Variants in KCNC1 observed in about 807,000 individuals in gnomAD.
KCNC1 encodes the protein potassium voltage-gated channel subfamily C member 1, also known as voltage-gated potassium channel KCNC1.
A neutral mutation model predicts 43.4 loss-of-function variants in KCNC1; 8 were observed. The ratio of observed to expected loss-of-function variants is 0.18; its 90% confidence interval spans 0.11 to 0.33. KCNC1 has a LOEUF of 0.33. KCNC1 is among the 10% of genes least tolerant of loss of function. KCNC1 has a pLI of 1.00. For missense variants in KCNC1, 420 were observed against 836.0 expected (o/e 0.50, Z 6.14); for synonymous variants, 361 against 360.5 (o/e 1.00, Z -0.01).
intron 2 of KCNC1, chr11:17,775,571 C>T (rs1849276055): frequency 1.0e-6 from 1 of 985,582 alleles, no homozygotes; most frequent in South Asian, 4.7e-5. Context: ...AGCTACTTCT[C>T]TCCCAGAAAG....
Position 17,773,376 on chromosome 11 carries a change from G to A in KCNC1, c.1504+778G>A. 5 of 985,450 alleles carry A rather than the reference G, an allele frequency of 5.1e-6. No homozygotes were observed. The highest frequency in any genetic ancestry group is 6.0e-6 in the Non-Finnish European group (5 of 829,962). The allele number at this position is 985,450 out of a possible 1,614,324, so 61.0% of individuals were successfully genotyped here. ...GAGTGGGAGTTTCCGGTGACCCGATGGAAGCGGCTGCCGAGCAAAAGACTA... is the reference window on the plus strand; with the variant it reads ...GAGTGGGAGTTTCCGGTGACCCGATAGAAGCGGCTGCCGAGCAAAAGACTA... On this transcript the variant is annotated intron_variant, in intron 2 of 3. Coordinates refer to ENST00000265969, the MANE Select transcript of KCNC1 (RefSeq NM_001112741.2). The surrounding 1 kb of genome is among the most constrained non-coding windows in gnomAD (Gnocchi z 4.1).
At chr11:17,758,279 C>T (rs781071505) in intron 1 of KCNC1, among the ~76,000 whole-genome samples, 1 of 152,248 alleles carries the variant, frequency 6.6e-6, no homozygotes, top group Non-Finnish European at 1.5e-5. Context: ...CATCTTCAGG[C>T]TCTACTTCTA....
chr11:17,776,146 G>C lies in KCNC1; in HGVS notation c.1505-3310G>C. 1 of 985,450 alleles carries C rather than the reference G, an allele frequency of 1.0e-6. No homozygotes were observed. Among genetic ancestry groups the C allele is most frequent in the South Asian group, 4.7e-5 (1 of 21,284 alleles). The allele number at this position is 985,450 out of a possible 1,614,324, so 61.0% of individuals were successfully genotyped here. A position where few individuals can be genotyped will look rare whatever the true frequency, so the allele number is the denominator to read the frequency against. On this transcript the variant is annotated intron_variant, in intron 2 of 3. Transcript: ENST00000265969. The surrounding 1 kb of genome is among the most constrained non-coding windows in gnomAD (Gnocchi z 4.4). ...TAGCGGAGAAATGAAGTGACGCCAG[G>C]GGCCAGGCATGGGTGTTCTTTTCCG...
rs1250443135 is a variant in KCNC1 at position 17,772,907 on chromosome 11, G to A, written c.1504+309G>A. On this transcript the variant is annotated intron_variant, in intron 2 of 3. Coordinates refer to ENST00000265969, the MANE Select transcript of KCNC1 (RefSeq NM_001112741.2). ...GACTAACTTAGCAGGAGCCAGGGGG[G>A]CTCTGCTTGGTGGGGCAGGAGTCCG... is the stretch of plus-strand genomic sequence containing the variant. 9 of 1,238,546 alleles carry A rather than the reference G, an allele frequency of 7.3e-6. No individual in the cohort carries two copies. In the East Asian group the frequency reaches 1.1e-4, roughly 15 times the overall value. The allele number at this position is 1,238,546 out of a possible 1,614,324, so 76.7% of individuals were successfully genotyped here.
At chr11:17,768,466 C>G (rs1849180018) in intron 1 of KCNC1, among the ~76,000 whole-genome samples, 1 of 152,158 alleles carries the variant, frequency 6.6e-6, no homozygotes, top group Non-Finnish European at 1.5e-5. Flanking sequence ...TGGACTTTCT[C>G]TGTGGGCTGC....
intron 2 of KCNC1, chr11:17,775,280 A>G (rs1307636525): frequency 1.0e-6 from 1 of 979,878 alleles, no homozygotes; most frequent in African/African-American, 1.8e-5. Context: ...TTCTGAGGGC[A>G]TCCCTCCCGC....
At chr11:17,754,649 A>T (rs930455636) in intron 1 of KCNC1, among the ~76,000 whole-genome samples, 1 of 151,522 alleles carries the variant, frequency 6.6e-6, no homozygotes, top group African/African-American at 2.4e-5. Flanking sequence ...TGGAGGAAGG[A>T]GCCTCCTTTC....
chr11:17,781,379 G>A lies in KCNC1; in HGVS notation c.1694-291G>A. 1 of 382,250 alleles carries A rather than the reference G, an allele frequency of 2.6e-6. No individual in the cohort carries two copies. The highest frequency in any genetic ancestry group is 4.7e-6 in the Non-Finnish European group (1 of 212,180). 23.7% of individuals were successfully genotyped at this position (382,250 alleles called of 1,614,324 possible). A position where few individuals can be genotyped will look rare whatever the true frequency, so the allele number is the denominator to read the frequency against. ...CCCGCGCTCTCATGGAGCCACGACA[G>A]CCGCCGAGGACTTGTTTTTCTCAGG... On this transcript the variant is annotated intron_variant, in intron 3 of 3. Coordinates refer to ENST00000265969, the MANE Select transcript of KCNC1 (RefSeq NM_001112741.2). The surrounding 1 kb of genome is among the most constrained non-coding windows in gnomAD (Gnocchi z 5.1).
In KCNC1 at chr11:17,734,789, G is replaced by T; in HGVS notation, c.-1214G>T. ...GCGGCGGGCTGGACGCGGACCGCGC[G>T]AACGAGCAGGCGACGGGCGAGCAGC... is the stretch of plus-strand genomic sequence containing the variant. On this transcript the variant is annotated 5_prime_UTR_variant, in exon 1 of 4. Transcript: ENST00000265969. 6.6e-6 allele frequency: 1 copy of T among 151,906 alleles called. No individual in the cohort carries two copies. The highest frequency in any genetic ancestry group is 1.9e-4 in the South Asian group (1 of 5,138). 9.4% of individuals were successfully genotyped at this position (151,906 alleles called of 1,614,324 possible).
rs1181885026 is a variant in KCNC1, at chr11:17,771,051, C to T, written c.571-614C>T. On this transcript the variant is annotated intron_variant, in intron 1 of 3. Coordinates refer to ENST00000265969, the MANE Select transcript of KCNC1 (RefSeq NM_001112741.2). The surrounding 1 kb of genome is among the most constrained non-coding windows in gnomAD (Gnocchi z 4.7). ...TACATTTTAAAAAGCTGTCTATGAC[C>T]ATGGGGAAGACATACATTTTTTTCA... Among the ~76,000 whole-genome samples, 1 of 152,138 alleles carries T rather than the reference C, an allele frequency of 6.6e-6. No individual in the cohort carries two copies. The highest frequency in any genetic ancestry group is 1.5e-5 in the Non-Finnish European group (1 of 68,044).
At chr11:17,758,007 C>G (rs1459655301) in intron 1 of KCNC1, among the ~76,000 whole-genome samples, 1 of 152,226 alleles carries the variant, frequency 6.6e-6, no homozygotes, top group African/African-American at 2.4e-5. Flanking sequence ...AAAGATTTCT[C>G]TGTAGCATGT....
At position 17,739,063 on chromosome 11, in the gene KCNC1, C is replaced by T. The variant is rs932584187; in HGVS notation, c.570+2491C>T. 6.6e-5 allele frequency among the ~76,000 whole-genome samples: 10 copies of T among 152,328 alleles called. No homozygotes were observed. The highest frequency in any genetic ancestry group is 3.4e-3 in the Middle Eastern group (1 of 294). On this transcript the variant is annotated intron_variant, in intron 1 of 3. Transcript: ENST00000265969. This position sits in a 1 kb window ranked among gnomAD's most constrained non-coding sequence, Gnocchi z 4.2. ...CTGGCCTAGCTGCACTGCGCTGCCT[C>T]TCTGCGGCTCATCTGCGCACAGACC...
At chr11:17,763,723 C>CAG (rs1590102634) in intron 1 of KCNC1, among the ~76,000 whole-genome samples, 3 of 134,446 alleles carry the variant, frequency 2.2e-5, no homozygotes, top group Non-Finnish European at 3.2e-5. Context: ...CCCCCACACA[C>CAG]CTCCCCACAC....
chr11:17,755,176 C>T (rs922599139), intron 1 of KCNC1, among the ~76,000 whole-genome samples: 2 of 152,000 alleles, frequency 1.3e-5, no homozygotes, highest in East Asian at 1.9e-4. Flanking sequence ...TGGAGGCAGG[C>T]GTGTGTCTGG....
At position 17,773,183 on chromosome 11, in the gene KCNC1, C is replaced by T; in HGVS notation, c.1504+585C>T. The T allele has an allele frequency of 2.0e-6, 2 of 986,684 alleles. No homozygotes were observed. Among genetic ancestry groups the T allele is most frequent in the Non-Finnish European group, 2.4e-6 (2 of 830,888 alleles). The allele number at this position is 986,684 out of a possible 1,614,324, so 61.1% of individuals were successfully genotyped here. Reference sequence around the variant, plus strand: ...CCTGCCCTGATTTCGGGCTGCCCAGCTCGAGGTCCTTCCCAGGAGACGCCT... The same window carrying T: ...CCTGCCCTGATTTCGGGCTGCCCAGTTCGAGGTCCTTCCCAGGAGACGCCT... On this transcript the variant is annotated intron_variant, in intron 2 of 3. Coordinates refer to ENST00000265969, the MANE Select transcript of KCNC1 (RefSeq NM_001112741.2). This position sits in a 1 kb window ranked among gnomAD's most constrained non-coding sequence, Gnocchi z 4.1.
chr11:17,743,910 G>A (rs887993719), intron 1 of KCNC1, among the ~76,000 whole-genome samples: 2 of 152,316 alleles, frequency 1.3e-5, no homozygotes, highest in African/African-American at 4.8e-5. Context: ...TGAGGGGTAT[G>A]CACTGGGCAC....
rs1849275004 is a variant in KCNC1, at chr11:17,775,492, C to G, written c.1504+2894C>G. 3.0e-6 allele frequency: 3 copies of G among 985,424 alleles called. No individual in the cohort carries two copies. The South Asian group carries it at 1.4e-4, about 46-fold the overall frequency. 61.0% of individuals were successfully genotyped at this position (985,424 alleles called of 1,614,324 possible). ...TCCAATTCTCACCTGGTTGTAGGACCTCTTGGGGGATGCTAGGAGGGCGCC... is the reference window on the plus strand; with the variant it reads ...TCCAATTCTCACCTGGTTGTAGGACGTCTTGGGGGATGCTAGGAGGGCGCC... On this transcript the variant is annotated intron_variant, in intron 2 of 3. Transcript: ENST00000265969.
In KCNC1 at chr11:17,742,448, A is replaced by G. The variant is rs1848853982; in HGVS notation, c.570+5876A>G. Among the ~76,000 whole-genome samples, 1 of 152,208 alleles carries G rather than the reference A, an allele frequency of 6.6e-6. No homozygotes were observed. The highest frequency in any genetic ancestry group is 1.5e-5 in the Non-Finnish European group (1 of 68,020). ...GGCTATTCTGAGCGGTCTCATGACC[A>G]GGGGATTCACTCTAGACCAAAAGGT... On this transcript the variant is annotated intron_variant, in intron 1 of 3. Coordinates refer to ENST00000265969, the MANE Select transcript of KCNC1 (RefSeq NM_001112741.2). This position sits in a 1 kb window ranked among gnomAD's most constrained non-coding sequence, Gnocchi z 4.2.
chr11:17,744,833 A>T (rs1848879924), intron 1 of KCNC1, among the ~76,000 whole-genome samples: 1 of 152,074 alleles, frequency 6.6e-6, no homozygotes, highest in South Asian at 2.1e-4. Flanking sequence ...CCTGACCCTC[A>T]GAATTACCTG....
Sources: gnomAD v4.1 joint callset for allele counts (sites outside exome capture counted in the v4.1 genomes callset) on GRCh38, gnomAD v4.1.1 for gene constraint, Gnocchi (gnomAD v3.1) non-coding constraint, MANE v1.5 for transcripts, NCBI Gene and HGNC (gene_info 2026-07-23, HGNC 2026-07-21) for gene names.